The following RGS21 variants were observed in gnomAD, a reference collection of about 807,000 sequenced individuals.
RGS21 encodes the protein regulator of G protein signaling 21, also known as regulator of G-protein signalling 21.
In RGS21, 19 loss-of-function variants were observed where a neutral mutation model predicts 18.7. The ratio of observed to expected loss-of-function variants is 1.01; its 90% CI spans 0.71 to 1.49. The LOEUF (loss-of-function observed/expected upper bound fraction) is 1.49, where lower values mean the gene tolerates loss of function less well. RGS21 is among the 40% of genes most tolerant of loss of function. The pLI is 0.00. For synonymous variants in RGS21, 56 were observed against 57.8 expected (o/e 0.97, Z 0.14); for missense variants, 194 against 176.8 (o/e 1.10, Z -0.55).
At chr1:192,345,859 A>G (rs2102231361) in intron 2 of RGS21, among the ~76,000 whole-genome samples, 1 of 152,216 alleles carries the variant, frequency 6.6e-6, no homozygotes, top group South Asian at 2.1e-4. Context: ...TTTGAGTTAT[A>G]TGAAATATAA....
In RGS21 at chr1:192,366,741, C is replaced by A. The variant is rs1659266088; in HGVS notation, c.*617C>A. ...CACTTGGCTCAATTCAATGGCATCA[C>A]ATATAAAATGTGATGAGTTATGTAT... is the stretch of plus-strand genomic sequence containing the variant. On this transcript the variant is annotated 3_prime_UTR_variant, in exon 5 of 5. Coordinates refer to ENST00000417209, the MANE Select transcript of RGS21 (RefSeq NM_001039152.3). The A allele has an allele frequency of 6.6e-6, 1 of 151,826 alleles. No individual in the cohort carries two copies. The highest frequency in any genetic ancestry group is 6.6e-5 in the Admixed American group (1 of 15,206). The allele number at this position is 151,826 out of a possible 1,614,324, so 9.4% of individuals were successfully genotyped here.
At chr1:192,321,109 T>C (rs1658491726) in intron 1 of RGS21, among the ~76,000 whole-genome samples, 1 of 151,956 alleles carries the variant, frequency 6.6e-6, no homozygotes, top group Non-Finnish European at 1.5e-5. Context: ...AGACTTCATG[T>C]CTCTAAAATA....
intron 3 of RGS21, among the ~76,000 whole-genome samples, chr1:192,349,116 T>A (rs528856320): frequency 4.6e-5 from 7 of 152,134 alleles, no homozygotes; most frequent in Non-Finnish European, 1.0e-4. Context: ...ATGGGACAGA[T>A]CAAGTTTGCT....
chr1:192,341,733 T>C (rs1224980575), intron 1 of RGS21, among the ~76,000 whole-genome samples: 1 of 150,498 alleles, frequency 6.6e-6, no homozygotes, highest in Non-Finnish European at 1.5e-5. Flanking sequence ...AGCCTATTCC[T>C]GGCTCCTATT....
At chr1:192,328,244 C>A (rs1658597152) in intron 1 of RGS21, among the ~76,000 whole-genome samples, 1 of 152,120 alleles carries the variant, frequency 6.6e-6, no homozygotes, top group African/African-American at 2.4e-5. Flanking sequence ...ACGTATGATA[C>A]AAGACTATTA....
intron 1 of RGS21, 48 bp from the exon 2 acceptor site, chr1:192,342,929 G>A (rs1194722106): frequency 4.7e-6 from 5 of 1,060,596 alleles, no homozygotes; most frequent in Admixed American, 3.4e-5. Context: ...CCAGGGGATA[G>A]GTATTCGCAT....
chr1:192,354,623 G>A (rs1936671), intron 4 of RGS21, among the ~76,000 whole-genome samples: 27,710 of 151,384 alleles, frequency 0.18, 2,786 homozygotes, highest in South Asian at 0.29. Context: ...TTGCACAAGT[G>A]GAAAATTAAA....
chr1:192,328,412 T>C (rs1284408213), intron 1 of RGS21, among the ~76,000 whole-genome samples: 1 of 152,204 alleles, frequency 6.6e-6, no homozygotes, highest in Non-Finnish European at 1.5e-5. Flanking sequence ...AATAATTTAG[T>C]AATTGAATTA....
At chr1:192,342,153 C>A (rs552817692) in intron 1 of RGS21, among the ~76,000 whole-genome samples, 1 of 152,134 alleles carries the variant, frequency 6.6e-6, no homozygotes, top group Admixed American at 6.6e-5. Flanking sequence ...CTTTCTCCCA[C>A]CTGAAAAATT....
intron 1 of RGS21, among the ~76,000 whole-genome samples, chr1:192,318,036 T>C (rs1422605725): frequency 1.3e-5 from 2 of 152,092 alleles, no homozygotes; most frequent in Admixed American, 6.6e-5. Context: ...TGACACCAAA[T>C]GCTGGCAACT....
rs1478205308 is a variant in RGS21, at chr1:192,362,457, A to C, written c.256-3464A>C. On this transcript the variant is annotated intron_variant, in intron 4 of 4. Coordinates refer to ENST00000417209, the MANE Select transcript of RGS21 (RefSeq NM_001039152.3). The stretch of plus-strand genomic sequence containing the variant: ...GCATATGTGCATGTGCACACGCACA[A>C]ACACACAACATAAGTGATCAGAGAA... 5.3e-5 allele frequency among the ~76,000 whole-genome samples: 8 copies of C among 152,350 alleles called. No homozygotes were observed. The East Asian group carries it at 1.5e-3, about 29-fold the overall frequency.
intron 3 of RGS21, among the ~76,000 whole-genome samples, chr1:192,350,915 A>G (rs1434715768): frequency 6.6e-6 from 1 of 152,166 alleles, no homozygotes; most frequent in Non-Finnish European, 1.5e-5. Context: ...TATCTTTAGG[A>G]GCAAGGGATA....
chr1:192,344,746 G>C (rs921133510), intron 2 of RGS21, among the ~76,000 whole-genome samples: 2 of 152,028 alleles, frequency 1.3e-5, no homozygotes. Context: ...ATCTCAGATA[G>C]TCAAAATTTA....
chr1:192,347,418 A>T lies in RGS21; in HGVS notation c.88+29A>T, dbSNP rs765327119. 8.8e-6 allele frequency: 9 copies of T among 1,026,020 alleles called. No homozygotes were observed. In the Admixed American group the frequency reaches 1.6e-4, roughly 18 times the overall value. 63.6% of individuals were successfully genotyped at this position (1,026,020 alleles called of 1,614,324 possible). A position where few individuals can be genotyped will look rare whatever the true frequency, so the allele number is the denominator to read the frequency against. The stretch of plus-strand genomic sequence containing the variant: ...AGATTTAACTAATAATAGGCTTAAA[A>T]TACAATAATTAAATATAAATTATTA... On this transcript the variant is annotated intron_variant, in intron 3 of 4. Transcript: ENST00000417209.
intron 1 of RGS21, among the ~76,000 whole-genome samples, chr1:192,328,099 C>T (rs575747926): frequency 6.6e-6 from 1 of 152,166 alleles, no homozygotes; most frequent in South Asian, 2.1e-4. Context: ...ACCATATTCT[C>T]AACTTTAAAA....
intron 3 of RGS21, among the ~76,000 whole-genome samples, chr1:192,350,226 AC>A (rs1659020713): frequency 6.6e-6 from 1 of 152,170 alleles, no homozygotes; most frequent in Non-Finnish European, 1.5e-5. Context: ...TTTTGCAATG[AC>A]TTGTTATTGC....
intron 1 of RGS21, among the ~76,000 whole-genome samples, chr1:192,322,676 C>A (rs973407126): frequency 6.6e-6 from 1 of 152,056 alleles, no homozygotes; most frequent in African/African-American, 2.4e-5. Flanking sequence ...CTAGAGCACA[C>A]CACTCAAACA....
At chr1:192,338,674 A>G (rs1658806880) in intron 1 of RGS21, among the ~76,000 whole-genome samples, 1 of 152,114 alleles carries the variant, frequency 6.6e-6, no homozygotes, top group African/African-American at 2.4e-5. Flanking sequence ...GTGTTTTTAA[A>G]GGAAATTCCA....
At chr1:192,329,947 G>C (rs528949271) in intron 1 of RGS21, among the ~76,000 whole-genome samples, 1 of 152,160 alleles carries the variant, frequency 6.6e-6, no homozygotes, top group Admixed American at 6.5e-5. Flanking sequence ...AAATCATGTG[G>C]TGAAGAGCTC....
Sources: allele counts gnomAD v4.1 joint callset (sites outside exome capture counted in the v4.1 genomes callset), GRCh38; gene constraint gnomAD v4.1.1; transcripts MANE v1.5; gene names NCBI Gene and HGNC (gene_info 2026-07-23, HGNC 2026-07-21).